Variants in ANO2 observed in about 807,000 individuals in gnomAD.
The protein encoded by ANO2 is anoctamin-2.
A neutral mutation model predicts 124.2 loss-of-function variants in ANO2; 101 were observed. The observed-to-expected ratio is 0.81, with a 90% CI of 0.69 to 0.96. ANO2 has a LOEUF of 0.96. Ranked by LOEUF, ANO2 falls within the 40% of genes least tolerant of loss-of-function variation. The pLI is 0.00. For synonymous variants in ANO2, 486 were observed against 482.5 expected (o/e 1.01, Z -0.09); for missense variants, 1,293 against 1,274.5 (o/e 1.01, Z -0.22).
At chr12:5,790,668 T>G (rs1952671002) in intron 10 of ANO2, among the ~76,000 whole-genome samples, 1 of 152,124 alleles carries the variant, frequency 6.6e-6, no homozygotes, top group South Asian at 2.1e-4. Flanking sequence ...ACACAAAGCT[T>G]TGTGCATTAG....
chr12:5,619,661 C>G (rs1945012396), intron 16 of ANO2, among the ~76,000 whole-genome samples: 1 of 152,184 alleles, frequency 6.6e-6, no homozygotes, highest in Admixed American at 6.5e-5. Flanking sequence ...TCCCTCATCT[C>G]CTGTGGAAAA....
intron 14 of ANO2, among the ~76,000 whole-genome samples, chr12:5,705,114 G>A (rs995830220): frequency 1.3e-5 from 2 of 152,242 alleles, no homozygotes; most frequent in African/African-American, 2.4e-5. Context: ...TATGAAGACC[G>A]CTTAGTCGGC....
intron 3 of ANO2, among the ~76,000 whole-genome samples, chr12:5,874,892 A>G (rs1014323192): frequency 1.3e-5 from 2 of 152,144 alleles, no homozygotes; most frequent in Admixed American, 6.5e-5. Context: ...CAGCTACTCA[A>G]CTCTGATGTT....
intron 15 of ANO2, among the ~76,000 whole-genome samples, chr12:5,640,605 C>A (rs1028340596): frequency 4.6e-5 from 7 of 152,136 alleles, no homozygotes; most frequent in Non-Finnish European, 8.8e-5. Flanking sequence ...ATTTATGCAG[C>A]CAACAGACAC....
Position 5,925,590 on chromosome 12 carries a change from T to G in ANO2, c.23-2786A>C, listed in dbSNP as rs1591802102. Among the ~76,000 whole-genome samples the G allele has an allele frequency of 6.6e-6, 1 of 152,058 alleles. No homozygotes were observed. The highest frequency in any genetic ancestry group is 2.1e-4 in the South Asian group (1 of 4,812). ...TCAGGAAGGGGAAGGGTGAGGCAGG[T>G]GAGCACACACCTTGAGAACTCCCTA... On this transcript the variant is annotated intron_variant, in intron 1 of 24. Transcript: ENST00000682330. The surrounding 1 kb of genome is among the most constrained non-coding windows in gnomAD (Gnocchi z 4.6).
At chr12:5,605,520 A>G (rs1332844995) in intron 19 of ANO2, among the ~76,000 whole-genome samples, 1 of 152,174 alleles carries the variant, frequency 6.6e-6, no homozygotes, top group African/African-American at 2.4e-5. Flanking sequence ...GTCTCAAAGC[A>G]TGCCCAGGAA....
intron 3 of ANO2, among the ~76,000 whole-genome samples, chr12:5,867,940 G>A (rs567081166): frequency 6.6e-6 from 1 of 152,310 alleles, no homozygotes; most frequent in South Asian, 2.1e-4. Flanking sequence ...TGGGCAGGAA[G>A]TGGGAATGGT....
rs1942258415 is a variant in ANO2, at chr12:5,929,552, T to C, written c.23-6748A>G. Among the ~76,000 whole-genome samples, 3 of 89,864 alleles carry C rather than the reference T, an allele frequency of 3.3e-5. 1 individual carries two copies. In the South Asian group the frequency reaches 1.1e-3, roughly 32 times the overall value. 59.0% of individuals were successfully genotyped at this position (89,864 alleles called of 152,430 possible). Reference sequence around the variant, plus strand: ...TACCAGTCTTCCTTCCTTACTAGTCTACCTTCTTTCCTCACTCGTCTGCCT... The same window carrying C: ...TACCAGTCTTCCTTCCTTACTAGTCCACCTTCTTTCCTCACTCGTCTGCCT... On this transcript the variant is annotated intron_variant, in intron 1 of 24. Coordinates refer to ENST00000682330, the MANE Select transcript of ANO2 (RefSeq NM_001364791.2).
chr12:5,915,382 A>T (rs1941320682), intron 3 of ANO2, among the ~76,000 whole-genome samples: 1 of 152,162 alleles, frequency 6.6e-6, no homozygotes, highest in Non-Finnish European at 1.5e-5. Flanking sequence ...TGAAATGCCA[A>T]ATGGAAGGTA....
chr12:5,936,161 CA>C, intron 1 of ANO2, among the ~76,000 whole-genome samples: 1 of 152,264 alleles, frequency 6.6e-6, no homozygotes, highest in East Asian at 1.9e-4. Context: ...ATATGACTCA[CA>C]AATATTTTCT....
At chr12:5,802,471 G>A in intron 9 of ANO2, among the ~76,000 whole-genome samples, 1 of 152,214 alleles carries the variant, frequency 6.6e-6, no homozygotes, top group East Asian at 1.9e-4. Flanking sequence ...ACCTGCAGGG[G>A]AGGCAGGGAG....
chr12:5,654,168 C>A (rs1278382486), intron 14 of ANO2, among the ~76,000 whole-genome samples: 2 of 152,134 alleles, frequency 1.3e-5, no homozygotes, highest in Non-Finnish European at 2.9e-5. Context: ...GACAAATAAT[C>A]CAGTCCCTTA....
intron 7 of ANO2, among the ~76,000 whole-genome samples, chr12:5,812,308 GA>G (rs1439965295): frequency 1.5e-3 from 153 of 103,150 alleles, no homozygotes; most frequent in African/African-American, 4.2e-3. Context: ...GAAAGAAGAG[GA>G]AGGAAGGAAG....
intron 12 of ANO2, among the ~76,000 whole-genome samples, chr12:5,742,530 A>G (rs1951131634): frequency 6.6e-6 from 1 of 152,148 alleles, no homozygotes; most frequent in Non-Finnish European, 1.5e-5. Context: ...GTAGCTGTTC[A>G]TTACAGCTAT....
chr12:5,584,453 CCTT>C (rs1390184549), intron 20 of ANO2, among the ~76,000 whole-genome samples: 2 of 152,300 alleles, frequency 1.3e-5, no homozygotes, highest in East Asian at 3.9e-4. Context: ...AAAGAATCCT[CCTT>C]CTTATGAGCC....
intron 13 of ANO2, among the ~76,000 whole-genome samples, chr12:5,733,474 G>A (rs916318656): frequency 1.3e-5 from 2 of 152,226 alleles, no homozygotes; most frequent in Non-Finnish European, 2.9e-5. Context: ...ATCTACAGGT[G>A]TGAGGACTTC....
intron 14 of ANO2, among the ~76,000 whole-genome samples, chr12:5,688,061 G>A (rs1005357425): frequency 2.6e-5 from 4 of 152,126 alleles, no homozygotes; most frequent in African/African-American, 7.2e-5. Context: ...ATCACCCCAC[G>A]CTCTCTTCTT....
At chr12:5,848,088 T>A (rs1445243470) in intron 4 of ANO2, among the ~76,000 whole-genome samples, 2 of 152,210 alleles carry the variant, frequency 1.3e-5, no homozygotes, top group African/African-American at 4.8e-5. Flanking sequence ...TTATCCAGAA[T>A]CAGTGCAAAC....
chr12:5,702,842 A>C (rs1041872245), intron 14 of ANO2, among the ~76,000 whole-genome samples: 3 of 152,230 alleles, frequency 2.0e-5, no homozygotes, highest in Non-Finnish European at 4.4e-5. Context: ...TCAATTGACA[A>C]AAAATTAAAA....
Sources: gnomAD v4.1 joint callset for allele counts (sites outside exome capture counted in the v4.1 genomes callset) on GRCh38, gnomAD v4.1.1 for gene constraint, Gnocchi (gnomAD v3.1) non-coding constraint, MANE v1.5 for transcripts, NCBI Gene and HGNC (gene_info 2026-07-23, HGNC 2026-07-21) for gene names.